Variants in LRP1B observed in about 807,000 individuals in gnomAD.
The protein encoded by LRP1B is low-density lipoprotein receptor-related protein 1B.
A neutral mutation model predicts 556.6 loss-of-function variants in LRP1B; 217 were observed. That is an observed-to-expected ratio of 0.39 (90% CI 0.35 to 0.44). LRP1B has a LOEUF of 0.44. Ranked by LOEUF, LRP1B falls within the 20% of genes least tolerant of loss-of-function variation. The pLI, the probability that LRP1B is intolerant of heterozygous loss-of-function variation, is 1.00. For missense variants in LRP1B, 5,053 were observed against 5,620.8 expected (o/e 0.90, Z 3.23); for synonymous variants, 2,047 against 1,865.8 (o/e 1.10, Z -2.50).
intron 2 of LRP1B, among the ~76,000 whole-genome samples, chr2:141,530,489 G>A (rs1416368503): frequency 1.3e-5 from 2 of 151,876 alleles, no homozygotes; most frequent in African/African-American, 4.8e-5. Context: ...ACCAATAAAT[G>A]GTTATTGAAT....
chr2:141,800,550 C>T (rs1695976465), intron 2 of LRP1B, among the ~76,000 whole-genome samples: 1 of 152,106 alleles, frequency 6.6e-6, no homozygotes. Context: ...ACTCCAGTAC[C>T]TTGGATAACC....
intron 6 of LRP1B, among the ~76,000 whole-genome samples, chr2:141,216,453 G>A (rs941939297): frequency 2.6e-5 from 4 of 152,206 alleles, no homozygotes; most frequent in African/African-American, 7.2e-5. Context: ...GTGCAGAGGG[G>A]AAATGTGGGG....
At position 140,517,025 on chromosome 2, in the gene LRP1B, TG is replaced by T; in HGVS notation, c.8027-15del. On this transcript the variant is annotated splice_polypyrimidine_tract_variant and intron_variant, in intron 49 of 90. Coordinates refer to ENST00000389484, the MANE Select transcript of LRP1B (RefSeq NM_018557.3). ...GTTTGTTTTGAACTGTGATAAAATA[TG>T]GAATGTCAAACAATTTCATTTTAGA... 1 of 1,550,748 alleles carries T rather than the reference TG, an allele frequency of 6.4e-7. No homozygotes were observed. The highest frequency in any genetic ancestry group is 8.9e-7 in the Non-Finnish European group (1 of 1,123,060).
At position 142,052,132 on chromosome 2, in the gene LRP1B, G is replaced by C. The variant is rs140643061; in HGVS notation, c.82+78516C>G. Among the ~76,000 whole-genome samples, 638 of 151,824 alleles carry C rather than the reference G, an allele frequency of 4.2e-3. 6 individuals are homozygous for C. The highest frequency in any genetic ancestry group is 0.015 in the African/African-American group (608 of 41,438). On this transcript the variant is annotated intron_variant, in intron 1 of 90. Coordinates refer to ENST00000389484, the MANE Select transcript of LRP1B (RefSeq NM_018557.3). The stretch of plus-strand genomic sequence containing the variant: ...AAAAATAGTCAAAACGTCTTTCAGA[G>C]AACCAGTTTTCTGAAAATCCTAACT...
chr2:140,951,995 A>T, intron 18 of LRP1B, 55 bp from the exon 19 acceptor site: 1 of 1,221,810 alleles, frequency 8.2e-7, no homozygotes, highest in Non-Finnish European at 1.2e-6. Flanking sequence ...TGTGCATGAC[A>T]TAATTCGTAT....
intron 6 of LRP1B, among the ~76,000 whole-genome samples, chr2:141,218,375 G>C (rs1156592156): frequency 1.3e-5 from 2 of 152,072 alleles, no homozygotes; most frequent in Non-Finnish European, 2.9e-5. Flanking sequence ...CAAAGACATA[G>C]AGTCAACCTA....
At chr2:141,385,797 G>A (rs183672470) in intron 3 of LRP1B, among the ~76,000 whole-genome samples, 1 of 152,254 alleles carries the variant, frequency 6.6e-6, no homozygotes, top group East Asian at 1.9e-4. Flanking sequence ...ATTGTAGGTG[G>A]AGATTGAAAA....
At chr2:141,993,131 G>C (rs1285617630) in intron 1 of LRP1B, among the ~76,000 whole-genome samples, 1 of 152,120 alleles carries the variant, frequency 6.6e-6, no homozygotes, top group Non-Finnish European at 1.5e-5. Flanking sequence ...TGTTGGAAAA[G>C]ATGAAAGAGT....
At chr2:140,290,922 A>G (rs964051280) in intron 84 of LRP1B, among the ~76,000 whole-genome samples, 9 of 152,148 alleles carry the variant, frequency 5.9e-5, no homozygotes, top group Non-Finnish European at 1.2e-4. Context: ...TGTGGTTCCT[A>G]TGCTCTCTAA....
chr2:141,744,658 G>T (rs758192673), intron 2 of LRP1B, among the ~76,000 whole-genome samples: 18 of 152,078 alleles, frequency 1.2e-4, no homozygotes, highest in East Asian at 1.9e-4. Context: ...TGTCTAAAAG[G>T]TCATACATCT....
chr2:141,621,929 T>C (rs1225235766), intron 2 of LRP1B, among the ~76,000 whole-genome samples: 2 of 152,184 alleles, frequency 1.3e-5, no homozygotes, highest in African/African-American at 4.8e-5. Flanking sequence ...TTTGATCTTG[T>C]TGCCCAGGCT....
intron 1 of LRP1B, among the ~76,000 whole-genome samples, chr2:141,911,264 T>C (rs1302836581): frequency 1.3e-5 from 2 of 152,232 alleles, no homozygotes; most frequent in African/African-American, 4.8e-5. Context: ...GCAATCTCTC[T>C]TTAACCACTT....
intron 32 of LRP1B, among the ~76,000 whole-genome samples, chr2:140,786,256 T>C (rs1689896669): frequency 6.6e-6 from 1 of 152,198 alleles, no homozygotes; most frequent in Non-Finnish European, 1.5e-5. Context: ...AGGGATAGAT[T>C]AACCATGTTA....
intron 1 of LRP1B, among the ~76,000 whole-genome samples, chr2:141,859,295 G>A (rs368786774): frequency 1.7e-4 from 26 of 152,194 alleles, no homozygotes; most frequent in African/African-American, 5.8e-4. Flanking sequence ...AAATAGTAAC[G>A]TCAGCATCAC....
At chr2:140,988,154 A>T (rs954544083) in intron 17 of LRP1B, among the ~76,000 whole-genome samples, 1 of 152,058 alleles carries the variant, frequency 6.6e-6, no homozygotes, top group Non-Finnish European at 1.5e-5. Flanking sequence ...AAACTCTTGG[A>T]TCAAGTTTCC....
chr2:141,265,884 G>A (rs993560947), intron 3 of LRP1B, among the ~76,000 whole-genome samples: 2 of 152,172 alleles, frequency 1.3e-5, no homozygotes, highest in African/African-American at 4.8e-5. Context: ...CTTGCATACT[G>A]CAGAATTGTT....
At position 140,700,530 on chromosome 2, in the gene LRP1B, T is replaced by C. The variant is rs200509218; in HGVS notation, c.6519A>G (p.Gly2173=). 4.5e-5 allele frequency: 73 copies of C among 1,613,508 alleles called. No individual in the cohort carries two copies. Among genetic ancestry groups the C allele is most frequent in the South Asian group, 4.4e-5 (4 of 91,078 alleles). ...AAGTAACTCCATCTTCTGCCAAATA[T>C]CCATGGGCACAAGCACAAGTTCTCC... is the stretch of plus-strand genomic sequence containing the variant. ...NSRRTCACAH[G]YLAEDGVTCL... Residue 2173 remains glycine, a synonymous_variant, in exon 41 of 91, where the codon GGA becomes GGG. Coordinates refer to ENST00000389484, the MANE Select transcript of LRP1B (RefSeq NM_018557.3).
intron 1 of LRP1B, among the ~76,000 whole-genome samples, chr2:141,952,998 A>G (rs1396326826): frequency 1.3e-5 from 2 of 152,074 alleles, no homozygotes; most frequent in Non-Finnish European, 2.9e-5. Flanking sequence ...CATTAACTCT[A>G]GAGGGTAGCA....
At chr2:141,519,400 TATGA>T (rs1189662607) in intron 2 of LRP1B, among the ~76,000 whole-genome samples, 12 of 23,268 alleles carry the variant, frequency 5.2e-4, no homozygotes, top group African/African-American at 2.1e-3. Flanking sequence ...TATATATATA[TATGA>T]AATGCAATAT....
Sources: gnomAD v4.1 joint callset for allele counts (sites outside exome capture counted in the v4.1 genomes callset) on GRCh38, gnomAD v4.1.1 for gene constraint, MANE v1.5 for transcripts, NCBI Gene and HGNC (gene_info 2026-07-23, HGNC 2026-07-21) for gene names.